The following SKAP2 variants were observed in gnomAD, a reference collection of about 807,000 sequenced individuals.
SKAP2 encodes src kinase-associated phosphoprotein 2.
Under a neutral mutation model 54.9 loss-of-function variants are expected in SKAP2, and 28 were observed. That is an observed-to-expected ratio of 0.51 (90% CI 0.38 to 0.70). The LOEUF (loss-of-function observed/expected upper bound fraction) is 0.70. SKAP2 is among the 30% of genes least tolerant of loss of function. The pLI, the probability that SKAP2 is intolerant of heterozygous loss-of-function variation, is 0.00. For synonymous variants in SKAP2, 137 were observed against 134.3 expected (o/e 1.02, Z -0.14); for missense variants, 356 against 424.1 (o/e 0.84, Z 1.41).
intron 4 of SKAP2, among the ~76,000 whole-genome samples, chr7:26,756,381 A>G (rs1009314588): frequency 6.6e-6 from 1 of 151,902 alleles, no homozygotes; most frequent in African/African-American, 2.4e-5. Context: ...CCTGTGTCCA[A>G]GTGTTCTCAT....
chr7:26,864,055 TCACACACACACACACACA>T (rs35995014), intron 1 of SKAP2, among the ~76,000 whole-genome samples: 2 of 143,438 alleles, frequency 1.4e-5, no homozygotes, highest in South Asian at 2.3e-4. Context: ...CGCCCTTCTG[TCACACACACACACACACA>T]CACACACACA....
At chr7:26,709,361 C>T (rs1787243969) in intron 9 of SKAP2, among the ~76,000 whole-genome samples, 1 of 152,022 alleles carries the variant, frequency 6.6e-6, no homozygotes, top group Admixed American at 6.6e-5. Flanking sequence ...TTAATAGAAG[C>T]AAAGGGTGTG....
rs1562592925 is a variant in SKAP2, at chr7:26,738,816, A to T, written c.448T>A (p.Tyr150Asn). The change falls in exon 6 of 13, where the codon TAT becomes AAT. Residue 150 changes from tyrosine to asparagine, a missense_variant. By Grantham distance (143) the Tyr-to-Asn change is moderately radical. Transcript: ENST00000345317. Reference protein sequence around the residue: ...RWCALSKTVFYYYGSDKDKQQ... With the variant: ...RWCALSKTVFNYYGSDKDKQQ... ...TTACCTTTATCACTTCCATAATAATAGAATACCGTTTTACTGAGAGCACAC... is the reference window on the plus strand; with the variant it reads ...TTACCTTTATCACTTCCATAATAATTGAATACCGTTTTACTGAGAGCACAC... The T allele has an allele frequency of 6.3e-7, 1 of 1,599,742 alleles. No individual in the cohort carries two copies.
chr7:26,807,317 G>T (rs1329407301), intron 4 of SKAP2, among the ~76,000 whole-genome samples: 1 of 152,158 alleles, frequency 6.6e-6, no homozygotes, highest in East Asian at 1.9e-4. Flanking sequence ...TCCAGGGAAG[G>T]ACCTGGTGGG....
chr7:26,713,602 T>TG (rs1787356894), intron 9 of SKAP2, among the ~76,000 whole-genome samples: 1 of 116,156 alleles, frequency 8.6e-6, no homozygotes, highest in Non-Finnish European at 1.9e-5. Context: ...TTCTTTTTTG[T>TG]TTTTTTTTTT....
At chr7:26,708,555 G>A (rs769440580) in intron 9 of SKAP2, among the ~76,000 whole-genome samples, 11 of 152,140 alleles carry the variant, frequency 7.2e-5, no homozygotes, top group Admixed American at 1.3e-4. Context: ...TTTTCAAAAG[G>A]ATCTCCATTT....
chr7:26,775,500 TATTATTTAG>T (rs895964201), intron 4 of SKAP2, among the ~76,000 whole-genome samples: 1 of 150,938 alleles, frequency 6.6e-6, no homozygotes, highest in African/African-American at 2.4e-5. Flanking sequence ...AATTCACCAA[TATTATTTAG>T]ATTTCCCAGT....
intron 4 of SKAP2, among the ~76,000 whole-genome samples, chr7:26,842,806 G>A (rs1002936525): frequency 6.6e-6 from 1 of 151,744 alleles, no homozygotes; most frequent in African/African-American, 2.4e-5. Context: ...GATGAGGTTG[G>A]AAAGGGTAAT....
At chr7:26,788,728 T>C (rs1458215993) in intron 4 of SKAP2, among the ~76,000 whole-genome samples, 1 of 152,184 alleles carries the variant, frequency 6.6e-6, no homozygotes, top group African/African-American at 2.4e-5. Context: ...ATTCTATTCA[T>C]GTAAATTTCT....
intron 3 of SKAP2, among the ~76,000 whole-genome samples, chr7:26,850,980 T>G (rs755988457): frequency 1.3e-5 from 2 of 152,060 alleles, no homozygotes; most frequent in Non-Finnish European, 2.9e-5. Flanking sequence ...TACACAAGCT[T>G]CAGTATCTAG....
chr7:26,659,048 C>T, the SKAP2 span, among the ~76,000 whole-genome samples: 71 of 152,168 alleles, frequency 4.7e-4, no homozygotes, highest in Non-Finnish European at 7.2e-4. Context: ...GTTGGTGGGG[C>T]GGGGGCTTAT....
At chr7:26,848,072 A>G (rs1784962036) in intron 3 of SKAP2, 1 of 152,212 alleles carries the variant, frequency 6.6e-6, no homozygotes, top group South Asian at 2.1e-4. Context: ...TATTTTTCTG[A>G]AAAACATTTT....
chr7:26,688,341 T>C (rs1786695451), intron 10 of SKAP2, among the ~76,000 whole-genome samples: 1 of 152,220 alleles, frequency 6.6e-6, no homozygotes, highest in Admixed American at 6.6e-5. Flanking sequence ...TGAAGGAACT[T>C]GTAAGAAACA....
intron 9 of SKAP2, among the ~76,000 whole-genome samples, chr7:26,704,256 G>C (rs1434340852): frequency 6.6e-6 from 1 of 152,152 alleles, no homozygotes; most frequent in African/African-American, 2.4e-5. Context: ...CCAGTTGAAA[G>C]GCAGCTTGCA....
intron 11 of SKAP2, among the ~76,000 whole-genome samples, chr7:26,683,057 G>C (rs942191420): frequency 2.0e-5 from 3 of 152,180 alleles, no homozygotes; most frequent in Non-Finnish European, 4.4e-5. Flanking sequence ...TTTACAAAAG[G>C]AGTATAATAG....
the SKAP2 span, among the ~76,000 whole-genome samples, chr7:26,659,060 C>G: frequency 2.6e-5 from 4 of 152,068 alleles, no homozygotes; most frequent in Non-Finnish European, 5.9e-5. Flanking sequence ...GGGGCTTATT[C>G]CACAATTATG....
intron 4 of SKAP2, among the ~76,000 whole-genome samples, chr7:26,777,187 G>A (rs145957695): frequency 2.2e-4 from 34 of 152,214 alleles, no homozygotes; most frequent in African/African-American, 7.5e-4. Context: ...TGCCTGTACA[G>A]CAGCCATCTG....
chr7:26,727,070 G>A (rs1562589115), intron 6 of SKAP2, 64 bp from the exon 7 acceptor site: 40 of 1,318,158 alleles, frequency 3.0e-5, no homozygotes, highest in Admixed American at 2.7e-4. Context: ...TATCTTTTAT[G>A]TAAAATTTCT....
chr7:26,839,188 T>C (rs183508355), intron 4 of SKAP2, among the ~76,000 whole-genome samples: 1 of 152,184 alleles, frequency 6.6e-6, no homozygotes, highest in African/African-American at 2.4e-5. Context: ...TATTTACTAA[T>C]ATATACCTTT....
Sources: gnomAD v4.1 joint callset for allele counts (sites outside exome capture counted in the v4.1 genomes callset) on GRCh38, gnomAD v4.1.1 for gene constraint, MANE v1.5 for transcripts, NCBI Gene and HGNC (gene_info 2026-07-23, HGNC 2026-07-21) for gene names.